ZSWIM6: variants seen among roughly 807,000 people sequenced by gnomAD.
ZSWIM6 encodes zinc finger SWIM-type containing 6.
A neutral mutation model predicts 113.2 loss-of-function variants in ZSWIM6; 9 were observed. The ratio of observed to expected loss-of-function variants is 0.08; its 90% confidence interval spans 0.05 to 0.14. The LOEUF (loss-of-function observed/expected upper bound fraction) is 0.14. ZSWIM6 is among the 10% of genes least tolerant of loss of function. The pLI is 1.00. For missense variants in ZSWIM6, 1,162 were observed against 1,552.2 expected, an observed-to-expected ratio of 0.75 and a Z score of 4.22; for synonymous variants, 611 against 606.5, an observed-to-expected ratio of 1.01 and a Z score of -0.11.
chr5:61,416,107 T>A (rs116750201), intron 1 of ZSWIM6, among the ~76,000 whole-genome samples: 57 of 152,332 alleles, frequency 3.7e-4, no homozygotes, highest in African/African-American at 1.3e-3. Flanking sequence ...ATGGAAGTGT[T>A]CTCTTTGCAT....
chr5:61,490,384 G>T (rs890531748), intron 2 of ZSWIM6, among the ~76,000 whole-genome samples: 7 of 152,086 alleles, frequency 4.6e-5, no homozygotes, highest in African/African-American at 1.4e-4. Context: ...AGTAAAGAGA[G>T]AAATACTCTG....
intron 5 of ZSWIM6, among the ~76,000 whole-genome samples, chr5:61,522,736 G>A (rs534588382): frequency 5.9e-5 from 9 of 152,248 alleles, no homozygotes; most frequent in African/African-American, 2.2e-4. Flanking sequence ...TTTTCCAGGT[G>A]CTCAGAATTT....
intron 1 of ZSWIM6, among the ~76,000 whole-genome samples, chr5:61,346,780 T>G (rs1197701944): frequency 6.6e-6 from 1 of 152,212 alleles, no homozygotes; most frequent in Non-Finnish European, 1.5e-5. Context: ...AAAGAGGCAT[T>G]TTGTTTAAGC....
intron 1 of ZSWIM6, among the ~76,000 whole-genome samples, chr5:61,368,774 A>G (rs1174518561): frequency 6.6e-6 from 1 of 152,218 alleles, no homozygotes; most frequent in Non-Finnish European, 1.5e-5. Context: ...GAAGCAAGTC[A>G]GTCAGCTCTC....
rs772018109 is a variant in ZSWIM6, at chr5:61,332,578, G to T, written c.306G>T (p.Pro102=). The change falls in exon 1 of 14, where the codon CCG becomes CCT. Residue 102 remains proline (P), a synonymous_variant. Transcript: ENST00000252744. ...QRVEERFERI[P]EPVQRRIVYW... ...TGGAGGAGCGCTTTGAGCGCATCCC[G>T]GAGCCGGTGCAGCGCCGCATAGTCT... 136 of 1,358,976 alleles carry T rather than the reference G, an allele frequency of 1.0e-4. No homozygotes were observed. In the Middle Eastern group the frequency reaches 1.2e-3, roughly 12 times the overall value. 84.2% of individuals were successfully genotyped at this position (1,358,976 alleles called of 1,614,324 possible).
rs577743396 is a variant in ZSWIM6, at chr5:61,526,778, G to A, written c.1837+382G>A. ...ATGCTTGAATCCCGGCAATCCTAAC[G>A]TCCCAAATGGGTGCCTTAGGCAATC... On this transcript the variant is annotated intron_variant, in intron 7 of 13. Transcript: ENST00000252744. 5.3e-5 allele frequency among the ~76,000 whole-genome samples: 8 copies of A among 152,208 alleles called. 1 individual carries two copies. The highest frequency in any genetic ancestry group is 1.4e-4 in the African/African-American group (6 of 41,538).
intron 1 of ZSWIM6, among the ~76,000 whole-genome samples, chr5:61,432,220 G>A (rs986972862): frequency 8.5e-5 from 13 of 152,084 alleles, no homozygotes; most frequent in Non-Finnish European, 1.8e-4. Flanking sequence ...ATTAAACTTC[G>A]GCTTGTGCTA....
At chr5:61,344,008 C>T (rs1744601756) in intron 1 of ZSWIM6, among the ~76,000 whole-genome samples, 1 of 151,984 alleles carries the variant, frequency 6.6e-6, no homozygotes, top group Non-Finnish European at 1.5e-5. Context: ...ATTCTTCTGC[C>T]TCAGCCTCCT....
At chr5:61,432,753 A>G (rs1250400032) in intron 1 of ZSWIM6, among the ~76,000 whole-genome samples, 4 of 152,304 alleles carry the variant, frequency 2.6e-5, no homozygotes, top group Non-Finnish European at 4.4e-5. Context: ...TTTCTTGGTT[A>G]TGATATAAGG....
At chr5:61,511,617 C>G (rs952561729) in intron 4 of ZSWIM6, among the ~76,000 whole-genome samples, 5 of 152,104 alleles carry the variant, frequency 3.3e-5, no homozygotes, top group African/African-American at 1.2e-4. Context: ...TACGCCTTTC[C>G]CCATGTGAGG....
chr5:61,372,945 T>A (rs2112069729), intron 1 of ZSWIM6, among the ~76,000 whole-genome samples: 1 of 152,276 alleles, frequency 6.6e-6, no homozygotes, highest in East Asian at 1.9e-4. Context: ...GGAACATTTC[T>A]TAAAAAATTA....
intron 5 of ZSWIM6, among the ~76,000 whole-genome samples, chr5:61,524,087 TAAATG>T (rs1280276302): frequency 1.3e-5 from 2 of 152,214 alleles, no homozygotes; most frequent in Non-Finnish European, 2.9e-5. Flanking sequence ...CTTAACAAAA[TAAATG>T]AAATGACAAA....
intron 1 of ZSWIM6, among the ~76,000 whole-genome samples, chr5:61,342,199 T>G (rs1390235852): frequency 6.6e-6 from 1 of 152,196 alleles, no homozygotes. Flanking sequence ...TTTGTATGAC[T>G]TGGGGCAGTT....
intron 1 of ZSWIM6, among the ~76,000 whole-genome samples, chr5:61,343,736 A>G (rs1290246745): frequency 6.6e-6 from 1 of 152,238 alleles, no homozygotes; most frequent in Non-Finnish European, 1.5e-5. Flanking sequence ...AGTACTTGTC[A>G]TAAAATAAGA....
In ZSWIM6 at chr5:61,538,713, G is replaced by T. The variant is rs532386030; in HGVS notation, c.2382-101G>T. On this transcript the variant is annotated intron_variant, in intron 10 of 13. Transcript: ENST00000252744. Reference sequence around the variant, plus strand: ...CCTTGCTGAACTTGAGTAGAGGCCTGAACATCTACCCACTCCTCTGGCTTC... The same window carrying T: ...CCTTGCTGAACTTGAGTAGAGGCCTTAACATCTACCCACTCCTCTGGCTTC... The T allele has an allele frequency of 7.4e-6, 10 of 1,344,758 alleles. No homozygotes were observed. In the East Asian group the frequency reaches 1.5e-4, roughly 20 times the overall value. The allele number at this position is 1,344,758 out of a possible 1,614,324, so 83.3% of individuals were successfully genotyped here.
intron 1 of ZSWIM6, among the ~76,000 whole-genome samples, chr5:61,457,420 C>T (rs937981951): frequency 4.6e-5 from 7 of 152,130 alleles, no homozygotes; most frequent in African/African-American, 1.4e-4. Flanking sequence ...GAGGAATTTT[C>T]CTTGACTGTA....
intron 1 of ZSWIM6, among the ~76,000 whole-genome samples, chr5:61,446,573 A>G (rs1028573828): frequency 6.6e-6 from 1 of 152,246 alleles, no homozygotes; most frequent in Non-Finnish European, 1.5e-5. Context: ...CTTCTGTGCC[A>G]AACCCCAGCA....
At chr5:61,437,002 A>C (rs1417582727) in intron 1 of ZSWIM6, among the ~76,000 whole-genome samples, 1 of 152,008 alleles carries the variant, frequency 6.6e-6, no homozygotes, top group Admixed American at 6.6e-5. Context: ...TGCCCTTCCT[A>C]CCTCCTCAAA....
chr5:61,453,000 GT>G (rs1171573917), intron 1 of ZSWIM6, among the ~76,000 whole-genome samples: 16 of 152,172 alleles, frequency 1.1e-4, no homozygotes, highest in African/African-American at 3.4e-4. Flanking sequence ...TTGAGACTGT[GT>G]GATTTTTGCA....
Sources: allele counts gnomAD v4.1 joint callset (sites outside exome capture counted in the v4.1 genomes callset), GRCh38; gene constraint gnomAD v4.1.1; transcripts MANE v1.5; gene names NCBI Gene and HGNC (gene_info 2026-07-23, HGNC 2026-07-21).